The following AMY2B variants were observed in gnomAD, a reference collection of about 807,000 sequenced individuals.
AMY2B encodes the protein amylase alpha 2B, also known as alpha-amylase 2B.
In AMY2B, 63 loss-of-function variants were observed where a neutral mutation model predicts 59.3. The observed-to-expected ratio is 1.06, with a 90% CI of 0.87 to 1.31. The LOEUF is 1.31. Among genes scored for constraint, AMY2B ranks in the 50% most tolerant of loss-of-function variants. The pLI is 0.00. For missense variants in AMY2B, 635 were observed against 626.7 expected (o/e 1.01, Z -0.14); for synonymous variants, 180 against 198.1 (o/e 0.91, Z 0.77).
intron 2 of AMY2B, 35 bp from the exon 3 acceptor site, chr1:103,573,028 G>C (rs374437847): frequency 4.0e-5 from 64 of 1,612,274 alleles, no homozygotes; most frequent in Admixed American, 8.3e-5. Flanking sequence ...CTGCCTCTCT[G>C]TAAGTCACAC....
At chr1:103,572,036 T>A in intron 1 of AMY2B, 74 bp from the exon 2 acceptor site, 2 of 1,595,846 alleles carry the variant, frequency 1.3e-6, no homozygotes, top group Non-Finnish European at 1.7e-6. Context: ...TTTTTTATAT[T>A]ATTGATTAGT....
intron 5 of AMY2B, 28 bp downstream of exon 5, chr1:103,574,421 G>C (rs775485072): frequency 4.3e-6 from 7 of 1,609,774 alleles, no homozygotes; most frequent in Non-Finnish European, 3.4e-6. Flanking sequence ...TTCCCCTGAA[G>C]TATTTCATAG....
At position 103,573,335 on chromosome 1, in the gene AMY2B, C is replaced by T. The variant is rs555179613; in HGVS notation, c.513+75C>T. 1.8e-4 allele frequency: 290 copies of T among 1,601,122 alleles called. No individual in the cohort carries two copies. The East Asian group carries it at 6.2e-3, about 34-fold the overall frequency. ...TCTTGTAGACATGTAGCTAATTGAA[C>T]TTCATTTTAAATACGAATTTAGATC... is the stretch of plus-strand genomic sequence containing the variant. On this transcript the variant is annotated intron_variant, in intron 3 of 9. Transcript: ENST00000684275.
intron 3 of AMY2B, 26 bp from the exon 4 acceptor site, chr1:103,573,682 C>G (rs368810545): frequency 1.9e-6 from 3 of 1,612,154 alleles, no homozygotes; most frequent in African/African-American, 1.3e-5. Context: ...TTTTATGAAT[C>G]AATCATAACA....
chr1:103,564,725 A>AT (rs1330667305), intron 1 of AMY2B, among the ~76,000 whole-genome samples: 3 of 152,086 alleles, frequency 2.0e-5, no homozygotes, highest in African/African-American at 4.8e-5. Flanking sequence ...TCAGTTAAGT[A>AT]TTTTTTGTTC....
upstream of AMY2B, chr1:103,570,561 G>T: frequency 1.7e-6 from 1 of 601,638 alleles, no homozygotes; most frequent in South Asian, 1.4e-5. Flanking sequence ...CAAGTACTCC[G>T]TGTGGATCAG....
intron 9 of AMY2B, among the ~76,000 whole-genome samples, chr1:103,579,069 T>C (rs1373008935): frequency 6.6e-6 from 1 of 152,216 alleles, no homozygotes; most frequent in African/African-American, 2.4e-5. Flanking sequence ...TTCAGTGATA[T>C]TCTTCAACTT....
At chr1:103,575,061 TA>T (rs1302112986) in intron 5 of AMY2B, among the ~76,000 whole-genome samples, 161 bp from the exon 6 acceptor site, 1 of 11,896 alleles carries the variant, frequency 8.4e-5, no homozygotes, top group Non-Finnish European at 1.4e-4. Flanking sequence ...TGTGTGTATG[TA>T]TATATATATA....
intron 2 of AMY2B, 115 bp downstream of exon 2, chr1:103,572,371 T>C: frequency 6.7e-7 from 1 of 1,494,298 alleles, no homozygotes; most frequent in Non-Finnish European, 8.9e-7. Context: ...TAATTTTACT[T>C]CATACTTTAA....
At chr1:103,571,136 C>G (rs1652115111), upstream of AMY2B, 1 of 967,914 alleles carries the variant, frequency 1.0e-6, no homozygotes, top group African/African-American at 1.8e-5. Flanking sequence ...AGCCATAGGA[C>G]CCAGTTTCCT....
At chr1:103,574,851 T>C (rs1237044834) in intron 5 of AMY2B, among the ~76,000 whole-genome samples, 3 of 151,560 alleles carry the variant, frequency 2.0e-5, no homozygotes, top group Non-Finnish European at 4.4e-5. Context: ...GTGATATGGA[T>C]ATTGATCCTT....
chr1:103,576,863 C>T (rs1478357812), intron 7 of AMY2B, among the ~76,000 whole-genome samples: 2 of 152,132 alleles, frequency 1.3e-5, no homozygotes, highest in East Asian at 3.8e-4. Context: ...GTTAATAGAG[C>T]CTATGTTTTA....
chr1:103,572,965 T>C, intron 2 of AMY2B, 98 bp from the exon 3 acceptor site: 1 of 1,597,156 alleles, frequency 6.3e-7, no homozygotes, highest in Non-Finnish European at 8.5e-7. Flanking sequence ...TCATGAAATA[T>C]TTTGGAGTTT....
chr1:103,577,870 A>G (rs1398163647), intron 9 of AMY2B, 25 bp downstream of exon 9: 20 of 1,597,982 alleles, frequency 1.3e-5, no homozygotes, highest in African/African-American at 2.7e-5. Flanking sequence ...ATTAAAAATA[A>G]TATTTTGTAC....
upstream of AMY2B, chr1:103,570,489 AAGG>A: frequency 1.5e-6 from 1 of 664,402 alleles, no homozygotes; most frequent in Non-Finnish European, 2.9e-6. Context: ...CAGGATGCAG[AAGG>A]AGATCACCAC....
intron 1 of AMY2B, among the ~76,000 whole-genome samples, chr1:103,557,653 A>C (rs1370886435): frequency 6.6e-6 from 1 of 152,104 alleles, no homozygotes; most frequent in Admixed American, 6.5e-5. Flanking sequence ...ATTAAAAAAA[A>C]AAAAAGTATT....
intron 1 of AMY2B, chr1:103,555,248 G>T (rs1477460554): frequency 2.0e-5 from 3 of 151,606 alleles, no homozygotes; most frequent in Non-Finnish European, 4.4e-5. Context: ...AATAGTGTTT[G>T]TATTTTTTCT....
At position 103,573,260 on chromosome 1, in the gene AMY2B, G is replaced by A. The variant is rs751481049; in HGVS notation, c.513G>A (p.Gln171=). 6.2e-7 allele frequency: 1 copy of A among 1,613,482 alleles called. No homozygotes were observed. The change falls in exon 3 of 10, where the codon CAG becomes CAA. Residue 171 remains glutamine, a splice_region_variant and synonymous_variant. Transcript: ENST00000684275. ...GDIENYNDAT[Q]VRDCRLVGLL... Reference sequence around the variant, plus strand: ...TCGAGAACTACAATGATGCTACTCAGGTAAATTTTTTTATGAGAGTCATCT... The same window carrying A: ...TCGAGAACTACAATGATGCTACTCAAGTAAATTTTTTTATGAGAGTCATCT...
In AMY2B at chr1:103,571,684, A is replaced by T; in HGVS notation, c.82A>T (p.Ile28Phe). The change falls in exon 1 of 10, where the codon ATT becomes TTT. Residue 28 changes from isoleucine to phenylalanine, a missense_variant. By Grantham distance (21) the Ile-to-Phe change is conservative. Coordinates refer to ENST00000684275, the MANE Select transcript of AMY2B (RefSeq NM_001387437.1). The part of the protein sequence containing the change: ...SPNTQQGRTS[I>F]VHLFEWRWVD... ...AAATACACAACAAGGACGGACATCT[A>T]TTGTTCATCTGTTTGAATGGCGATG... 1 of 1,611,870 alleles carries T rather than the reference A, an allele frequency of 6.2e-7. No homozygotes were observed. Among genetic ancestry groups the T allele is most frequent in the Non-Finnish European group, 8.5e-7 (1 of 1,179,794 alleles).
Sources: gnomAD v4.1 joint callset for allele counts (sites outside exome capture counted in the v4.1 genomes callset) on GRCh38, gnomAD v4.1.1 for gene constraint, MANE v1.5 for transcripts, NCBI Gene and HGNC (gene_info 2026-07-23, HGNC 2026-07-21) for gene names.